PTCSC3: variants seen among roughly 807,000 people sequenced by gnomAD.
The protein encoded by PTCSC3 is papillary thyroid carcinoma susceptibility candidate 3 (non-protein coding).
intron 2 of PTCSC3, among the ~76,000 whole-genome samples, chr14:36,157,414 T>C (rs948380728): frequency 1.3e-5 from 2 of 152,212 alleles, no homozygotes; most frequent in Non-Finnish European, 2.9e-5. Flanking sequence ...TTAGATCCCA[T>C]TTGTCAATTT....
intron 2 of PTCSC3, among the ~76,000 whole-genome samples, chr14:36,162,245 C>G (rs1881973389): frequency 8.6e-6 from 1 of 116,614 alleles, no homozygotes; most frequent in African/African-American, 3.6e-5. Context: ...GTTCCAGGAG[C>G]TGCTGGGGTA....
chr14:36,137,608 G>A (rs543502185), intron 3 of PTCSC3, among the ~76,000 whole-genome samples: 1 of 152,274 alleles, frequency 6.6e-6, no homozygotes, highest in East Asian at 1.9e-4. Flanking sequence ...TTTTAAATGT[G>A]GAGCCCAGGA....
chr14:36,152,817 C>T (rs2139098920), intron 3 of PTCSC3, among the ~76,000 whole-genome samples: 1 of 151,598 alleles, frequency 6.6e-6, no homozygotes, highest in East Asian at 2.0e-4. Flanking sequence ...TTGCTTGAAC[C>T]CAGGAGGTGG....
chr14:36,145,350 T>C (rs1881535842), intron 3 of PTCSC3, among the ~76,000 whole-genome samples: 1 of 151,554 alleles, frequency 6.6e-6, no homozygotes, highest in South Asian at 2.1e-4. Flanking sequence ...CTGTTATTGG[T>C]CTATTCAGAG....
intron 3 of PTCSC3, among the ~76,000 whole-genome samples, chr14:36,150,687 G>A (rs189916630): frequency 1.1e-4 from 16 of 151,872 alleles, no homozygotes; most frequent in African/African-American, 2.9e-4. Context: ...CTTAGAAATC[G>A]ATTAAAAAAT....
rs760221959 is a variant in PTCSC3 at position 36,166,100 on chromosome 14, G to A, written n.172-3417C>T. 7.9e-5 allele frequency among the ~76,000 whole-genome samples: 12 copies of A among 152,114 alleles called. 1 individual carries two copies. Among genetic ancestry groups the A allele is most frequent in the African/African-American group, 1.2e-4 (5 of 41,392 alleles). ...ATCAGTCAGCCAGGATTAATGATCAGTTCAAAAGTCTTCATATTGTTTTGT... is the reference window on the plus strand; with the variant it reads ...ATCAGTCAGCCAGGATTAATGATCAATTCAAAAGTCTTCATATTGTTTTGT... On this transcript the variant is annotated intron_variant and non_coding_transcript_variant, in intron 1 of 3. Coordinates refer to ENST00000556013, the Ensembl canonical transcript of PTCSC3.
intron 2 of PTCSC3, among the ~76,000 whole-genome samples, chr14:36,156,299 G>A (rs1037287503): frequency 3.3e-5 from 5 of 152,174 alleles, no homozygotes; most frequent in Non-Finnish European, 7.3e-5. Flanking sequence ...TGTTTCTGAA[G>A]GGCATTGTGA....
chr14:36,170,052 C>G (rs998238131), intron 1 of PTCSC3, among the ~76,000 whole-genome samples: 3 of 152,046 alleles, frequency 2.0e-5, no homozygotes, highest in African/African-American at 7.2e-5. Context: ...AGATGTTCAG[C>G]TTTACGTTTG....
At chr14:36,147,323 T>C (rs1039740991) in intron 3 of PTCSC3, among the ~76,000 whole-genome samples, 10 of 152,340 alleles carry the variant, frequency 6.6e-5, no homozygotes, top group African/African-American at 1.9e-4. Flanking sequence ...ATTTGGTCTT[T>C]TCACATAGTC....
At chr14:36,153,142 C>T (rs1271120636) in intron 3 of PTCSC3, among the ~76,000 whole-genome samples, 1 of 152,258 alleles carries the variant, frequency 6.6e-6, no homozygotes, top group African/African-American at 2.4e-5. Flanking sequence ...GCTGTCTCCT[C>T]ATTGTATCCT....
At chr14:36,172,024 C>G (rs1882202909) in intron 1 of PTCSC3, among the ~76,000 whole-genome samples, 2 of 152,278 alleles carry the variant, frequency 1.3e-5, no homozygotes, top group South Asian at 4.1e-4. Flanking sequence ...AATCAAACCT[C>G]TAATCAGAAA....
chr14:36,166,036 G>A (rs772585633), intron 1 of PTCSC3, among the ~76,000 whole-genome samples: 3 of 152,072 alleles, frequency 2.0e-5, no homozygotes, highest in Non-Finnish European at 2.9e-5. Flanking sequence ...AAAATTACCC[G>A]AAAGAACTGT....
chr14:36,137,133 T>C (rs550071041), intron 3 of PTCSC3, among the ~76,000 whole-genome samples: 7 of 152,210 alleles, frequency 4.6e-5, no homozygotes, highest in Admixed American at 2.0e-4. Flanking sequence ...ACAAAGAAGA[T>C]AACATTTGAG....
chr14:36,160,534 A>G (rs1881932176), intron 2 of PTCSC3, among the ~76,000 whole-genome samples: 1 of 152,052 alleles, frequency 6.6e-6, no homozygotes, highest in African/African-American at 2.4e-5. Context: ...TTATTTTAAG[A>G]ATGTTGAATA....
intron 3 of PTCSC3, among the ~76,000 whole-genome samples, chr14:36,145,432 T>C (rs1881538294): frequency 6.6e-6 from 1 of 150,516 alleles, no homozygotes; most frequent in Non-Finnish European, 1.5e-5. Context: ...TTCTAGATTT[T>C]CTAGTTTATT....
intron 1 of PTCSC3, among the ~76,000 whole-genome samples, chr14:36,173,342 G>C (rs1211159075): frequency 6.6e-6 from 1 of 152,100 alleles, no homozygotes; most frequent in African/African-American, 2.4e-5. Context: ...AGTACTGGTA[G>C]AGGCAATCAA....
intron 3 of PTCSC3, among the ~76,000 whole-genome samples, chr14:36,152,674 C>T (rs1435574368): frequency 6.6e-6 from 1 of 152,168 alleles, no homozygotes; most frequent in Admixed American, 6.5e-5. Context: ...AGGCAGATCA[C>T]CTGAAGTTCA....
intron 2 of PTCSC3, among the ~76,000 whole-genome samples, chr14:36,161,961 G>C (rs1353605121): frequency 6.6e-6 from 1 of 152,178 alleles, no homozygotes; most frequent in African/African-American, 2.4e-5. Context: ...GCGGAGCTGC[G>C]GTGGGCGTCT....
chr14:36,154,293 A>G (rs950713622), intron 2 of PTCSC3, among the ~76,000 whole-genome samples: 1 of 152,178 alleles, frequency 6.6e-6, no homozygotes, highest in Non-Finnish European at 1.5e-5. Context: ...GTAAAAATTA[A>G]TGAAGCTGTT....
Sources: allele counts gnomAD v4.1 joint callset (sites outside exome capture counted in the v4.1 genomes callset), GRCh38; gene constraint gnomAD v4.1.1; transcripts MANE v1.5; gene names NCBI Gene and HGNC (gene_info 2026-07-23, HGNC 2026-07-21).